ELP2: variants seen among roughly 807,000 people sequenced by gnomAD.
ELP2 encodes elongator acetyltransferase complex subunit 2.
A neutral mutation model predicts 119.2 loss-of-function variants in ELP2; 90 were observed. The ratio of observed to expected loss-of-function variants is 0.75; its 90% CI spans 0.64 to 0.90. The LOEUF (loss-of-function observed/expected upper bound fraction) is 0.90. Ranked by LOEUF, ELP2 falls within the 40% of genes least tolerant of loss-of-function variation. ELP2 has a pLI of 0.00. For missense variants in ELP2, 921 were observed against 967.8 expected, an observed-to-expected ratio of 0.95 and a Z score of 0.64; for synonymous variants, 339 against 331.0, an observed-to-expected ratio of 1.02 and a Z score of -0.26.
chr18:36,131,395 C>T (rs1169818699), intron 1 of ELP2, among the ~76,000 whole-genome samples: 1 of 152,242 alleles, frequency 6.6e-6, no homozygotes, highest in Non-Finnish European at 1.5e-5. Context: ...GCAGGCTCTC[C>T]ATCATCTCCC....
At chr18:36,136,060 A>T (rs906936607) in intron 2 of ELP2, among the ~76,000 whole-genome samples, 1 of 152,132 alleles carries the variant, frequency 6.6e-6, no homozygotes, top group Non-Finnish European at 1.5e-5. Context: ...TCCTTAGGAG[A>T]TATATGGTCT....
intron 11 of ELP2, among the ~76,000 whole-genome samples, chr18:36,149,472 T>TTTTTTC (rs2090318190): frequency 8.8e-6 from 1 of 113,198 alleles, no homozygotes; most frequent in African/African-American, 3.1e-5. Flanking sequence ...AGTTGCAGGG[T>TTTTTTC]TTTTTGTTTT....
Position 36,164,554 on chromosome 18 carries a change from GT to G in ELP2, c.1844del (p.Leu615Ter). ...WKQVQNLVFH[S>X]LTVTQMAFSP... ...CAGGTGCAGAATTTAGTTTTCCACA[GT>G]TTGACAGTCACGCAGATGGCCTTCT... On this transcript the variant is annotated frameshift_variant, in exon 18 of 22. Transcript: ENST00000358232. LOFTEE classifies it high-confidence loss of function. The G allele has an allele frequency of 1.2e-6, 2 of 1,614,090 alleles. No individual in the cohort carries two copies. Among genetic ancestry groups the G allele is most frequent in the Non-Finnish European group, 1.7e-6 (2 of 1,179,982 alleles).
intron 5 of ELP2, among the ~76,000 whole-genome samples, chr18:36,140,189 A>G (rs1427557553): frequency 6.6e-6 from 1 of 151,976 alleles, no homozygotes; most frequent in Non-Finnish European, 1.5e-5. Flanking sequence ...TTTTTGACAC[A>G]GGGTCTCATT....
At chr18:36,164,291 C>A (rs1034939272) in intron 17 of ELP2, among the ~76,000 whole-genome samples, 184 bp from the exon 18 acceptor site, 1 of 151,584 alleles carries the variant, frequency 6.6e-6, no homozygotes, top group Non-Finnish European at 1.5e-5. Context: ...TTTTTTAATC[C>A]CAATCATCTG....
At chr18:36,149,010 A>G (rs1385552408) in intron 11 of ELP2, among the ~76,000 whole-genome samples, 3 of 152,246 alleles carry the variant, frequency 2.0e-5, no homozygotes, top group African/African-American at 7.2e-5. Flanking sequence ...GAGTAGCCTC[A>G]GTCAATATTA....
intron 19 of ELP2, among the ~76,000 whole-genome samples, chr18:36,169,115 G>T (rs535286469): frequency 3.3e-5 from 5 of 151,186 alleles, no homozygotes; most frequent in African/African-American, 9.7e-5. Flanking sequence ...TAGTAGAAAC[G>T]GGGTTTCACC....
At chr18:36,161,106 C>T (rs1375103594) in intron 17 of ELP2, 102 bp downstream of exon 17, 1 of 814,490 alleles carries the variant, frequency 1.2e-6, no homozygotes, top group Non-Finnish European at 2.2e-6. Flanking sequence ...CGTGAAAGGC[C>T]ACTAGTGCTT....
intron 1 of ELP2, among the ~76,000 whole-genome samples, chr18:36,130,943 G>C (rs1303739433): frequency 6.6e-6 from 1 of 152,166 alleles, no homozygotes; most frequent in Non-Finnish European, 1.5e-5. Context: ...AGAGGTGGGA[G>C]CATCGCTTGA....
At chr18:36,166,524 G>A (rs537986879) in intron 18 of ELP2, among the ~76,000 whole-genome samples, 1 of 151,252 alleles carries the variant, frequency 6.6e-6, no homozygotes, top group Non-Finnish European at 1.5e-5. Flanking sequence ...TAGAGACGGG[G>A]TTTCATCATG....
intron 2 of ELP2, among the ~76,000 whole-genome samples, chr18:36,134,978 T>G (rs1042373513): frequency 2.0e-5 from 3 of 152,246 alleles, no homozygotes; most frequent in Admixed American, 6.5e-5. Context: ...AAAAAAGTTT[T>G]AATAAGCTAC....
At chr18:36,141,068 G>A (rs2090006740) in intron 5 of ELP2, 69 bp from the exon 6 acceptor site, 1 of 1,251,602 alleles carries the variant, frequency 8.0e-7, no homozygotes, top group Non-Finnish European at 1.2e-6. Context: ...TTACAATCCA[G>A]TACAGTTGAT....
In ELP2 at chr18:36,177,606, A is replaced by T. The variant is rs911534722; in HGVS notation, c.*2965A>T. The T allele has an allele frequency of 8.7e-4, 133 of 152,256 alleles. No individual in the cohort carries two copies. The highest frequency in any genetic ancestry group is 2.8e-3 in the African/African-American group (117 of 41,550). 9.4% of individuals were successfully genotyped at this position (152,256 alleles called of 1,614,324 possible). A position where few individuals can be genotyped will look rare whatever the true frequency, so the allele number is the denominator to read the frequency against. ...TAAGTTATGTGAATGCTGTATGCCA[A>T]CTCAACTGTACACTCTAAAATGGTT... On this transcript the variant is annotated 3_prime_UTR_variant, in exon 22 of 22. Transcript: ENST00000358232.
At chr18:36,145,055 A>G in intron 9 of ELP2, 21 bp downstream of exon 9, 1 of 1,567,892 alleles carries the variant, frequency 6.4e-7, no homozygotes, top group Non-Finnish European at 8.8e-7. Context: ...AACCATACAC[A>G]TATCCCTTAC....
chr18:36,132,190 T>C (rs892187547), intron 1 of ELP2, among the ~76,000 whole-genome samples: 5 of 152,194 alleles, frequency 3.3e-5, no homozygotes, highest in Admixed American at 2.6e-4. Flanking sequence ...CTGGCCTCGA[T>C]TGGGCTTTTA....
At chr18:36,137,453 A>T (rs2089866465) in intron 3 of ELP2, among the ~76,000 whole-genome samples, 1 of 152,214 alleles carries the variant, frequency 6.6e-6, no homozygotes, top group South Asian at 2.1e-4. Flanking sequence ...TTCTGTTTTA[A>T]GTATTATAAT....
chr18:36,155,076 G>A (rs1598795086), intron 12 of ELP2, 77 bp downstream of exon 12: 3 of 1,281,168 alleles, frequency 2.3e-6, no homozygotes, highest in South Asian at 1.2e-5. Flanking sequence ...GCAATGGCAC[G>A]ATCTCAGCTC....
chr18:36,169,240 T>G (rs1260756483), intron 19 of ELP2, among the ~76,000 whole-genome samples: 1 of 152,070 alleles, frequency 6.6e-6, no homozygotes, highest in South Asian at 2.1e-4. Flanking sequence ...CTCCATTTCT[T>G]TGTGACCATT....
intron 7 of ELP2, among the ~76,000 whole-genome samples, 187 bp downstream of exon 7, chr18:36,142,534 G>T (rs2090066113): frequency 6.6e-6 from 1 of 152,034 alleles, no homozygotes; most frequent in African/African-American, 2.4e-5. Context: ...AAATAAATTG[G>T]TATTTATCAG....
Sources: allele counts gnomAD v4.1 joint callset (sites outside exome capture counted in the v4.1 genomes callset), GRCh38; gene constraint gnomAD v4.1.1; transcripts MANE v1.5; gene names NCBI Gene and HGNC (gene_info 2026-07-23, HGNC 2026-07-21).